Variants in LARP1B observed in about 807,000 individuals in gnomAD.
The protein encoded by LARP1B is La ribonucleoprotein 1B.
A neutral mutation model predicts 114.2 loss-of-function variants in LARP1B; 76 were observed. The ratio of observed to expected loss-of-function variants is 0.67; its 90% confidence interval spans 0.55 to 0.81. The LOEUF (loss-of-function observed/expected upper bound fraction) is 0.81. Ranked by LOEUF, LARP1B falls within the 30% of genes least tolerant of loss-of-function variation. The probability of loss-of-function intolerance (pLI) is 0.00; values close to 1 mark genes in which losing one functional copy is unlikely to be tolerated. For synonymous variants in LARP1B, 345 were observed against 348.0 expected (o/e 0.99, Z 0.10); for missense variants, 1,014 against 1,075.8 (o/e 0.94, Z 0.80).
In LARP1B at chr4:128,107,999, A is replaced by G. The variant is rs922188796; in HGVS notation, c.988+686A>G. 8.5e-6 allele frequency: 13 copies of G among 1,528,272 alleles called. No individual in the cohort carries two copies. The African/African-American group carries it at 1.4e-4, about 16-fold the overall frequency. 94.7% of individuals were successfully genotyped at this position (1,528,272 alleles called of 1,614,324 possible). A position where few individuals can be genotyped will look rare whatever the true frequency, so the allele number is the denominator to read the frequency against. On this transcript the variant is annotated intron_variant, in intron 9 of 19. Transcript: ENST00000326639. Reference sequence around the variant, plus strand: ...GGAACAAATCCTGCTGCAAAAATGAAAGCGATCAGACTGTCTTCTGTTCAA... The same window carrying G: ...GGAACAAATCCTGCTGCAAAAATGAGAGCGATCAGACTGTCTTCTGTTCAA...
exon 8 of LARP1B, chr4:128,222,484 C>T: frequency 5.0e-6 from 2 of 400,972 alleles, no homozygotes; most frequent in South Asian, 3.6e-5. Flanking sequence ...AATGCCACTT[C>T]CAAGTTTGAC....
intron 1 of LARP1B, among the ~76,000 whole-genome samples, chr4:128,071,372 A>G (rs975888216): frequency 2.0e-5 from 3 of 148,754 alleles, no homozygotes; most frequent in South Asian, 2.1e-4. Flanking sequence ...AAGTAACTGT[A>G]TAAACTGATA....
chr4:128,114,504 G>T, intron 9 of LARP1B, 66 bp from the exon 10 acceptor site: 9 of 1,178,638 alleles, frequency 7.6e-6, no homozygotes, highest in Non-Finnish European at 1.1e-5. Flanking sequence ...AGGAAAAAAT[G>T]AAGTGTATTT....
chr4:128,214,519 G>A (rs1369199216), downstream of LARP1B, among the ~76,000 whole-genome samples: 2 of 152,114 alleles, frequency 1.3e-5, no homozygotes, highest in Non-Finnish European at 1.5e-5. Context: ...AGCCTAACTG[G>A]GAGGCAGGGG....
At chr4:128,109,536 A>G (rs1455226358) in intron 9 of LARP1B, among the ~76,000 whole-genome samples, 2 of 152,158 alleles carry the variant, frequency 1.3e-5, no homozygotes, top group African/African-American at 4.8e-5. Flanking sequence ...TACTTCTGAA[A>G]CATAGGTTTT....
intron 5 of LARP1B, among the ~76,000 whole-genome samples, chr4:128,086,472 G>C (rs1258172945): frequency 6.6e-6 from 1 of 152,092 alleles, no homozygotes; most frequent in South Asian, 2.1e-4. Context: ...GGGACTACAG[G>C]CATGCACAAC....
intron 11 of LARP1B, among the ~76,000 whole-genome samples, chr4:128,156,408 CCT>C (rs1471086711): frequency 6.6e-6 from 1 of 152,154 alleles, no homozygotes. Context: ...CTAGAGCTGG[CCT>C]CTCTAGCACA....
At chr4:128,110,673 T>A (rs1783772580) in intron 9 of LARP1B, among the ~76,000 whole-genome samples, 1 of 470 alleles carries the variant, frequency 2.1e-3, no homozygotes, top group African/African-American at 0.026. Context: ...CGAGACTCCG[T>A]CTCAAAAAAA....
intron 15 of LARP1B, 48 bp from the exon 16 acceptor site, chr4:128,199,391 G>A: frequency 1.4e-6 from 2 of 1,427,236 alleles, no homozygotes; most frequent in Non-Finnish European, 1.9e-6. Flanking sequence ...TCATATACTT[G>A]GTTCTTGATT....
At chr4:128,093,922 G>C (rs1222988196) in intron 7 of LARP1B, among the ~76,000 whole-genome samples, 1 of 151,756 alleles carries the variant, frequency 6.6e-6, no homozygotes. Flanking sequence ...TGTTGGTCAG[G>C]CTGGTCTCAA....
chr4:128,169,361 A>G (rs1742535908), intron 12 of LARP1B, among the ~76,000 whole-genome samples: 1 of 151,912 alleles, frequency 6.6e-6, no homozygotes, highest in Non-Finnish European at 1.5e-5. Context: ...TTAATACTAC[A>G]AATTTCCACC....
chr4:128,068,468 G>T (rs1763928644), intron 1 of LARP1B, among the ~76,000 whole-genome samples: 1 of 151,950 alleles, frequency 6.6e-6, no homozygotes. Flanking sequence ...CTACAGGCAT[G>T]TGCCACCATG....
chr4:128,152,184 A>C (rs1733101466), intron 11 of LARP1B, among the ~76,000 whole-genome samples: 1 of 148,744 alleles, frequency 6.7e-6, no homozygotes, highest in Non-Finnish European at 1.5e-5. Flanking sequence ...TGAATCAGCT[A>C]TTATGCTTAT....
At chr4:128,176,573 C>T (rs1035387694) in intron 12 of LARP1B, among the ~76,000 whole-genome samples, 5 of 151,998 alleles carry the variant, frequency 3.3e-5, no homozygotes, top group Admixed American at 1.3e-4. Flanking sequence ...GGATTACAGG[C>T]GTGAGCCACT....
At chr4:128,079,373 G>T (rs555227548) in intron 4 of LARP1B, among the ~76,000 whole-genome samples, 4 of 152,034 alleles carry the variant, frequency 2.6e-5, no homozygotes, top group African/African-American at 9.6e-5. Flanking sequence ...AGGATTACAG[G>T]CATGAGCCAC....
chr4:128,082,088 A>G, intron 4 of LARP1B, 77 bp from the exon 5 acceptor site: 1 of 1,309,548 alleles, frequency 7.6e-7, no homozygotes, highest in Non-Finnish European at 1.1e-6. Context: ...ATTTGATTAA[A>G]GTTCAGAGTG....
chr4:128,124,673 G>A (rs542818146), intron 11 of LARP1B, among the ~76,000 whole-genome samples: 1 of 152,322 alleles, frequency 6.6e-6, no homozygotes, highest in Admixed American at 6.5e-5. Context: ...AGGGACAAGA[G>A]TGGGCAGAAG....
intron 11 of LARP1B, among the ~76,000 whole-genome samples, chr4:128,135,128 A>AATAC (rs1220476105): frequency 4.0e-5 from 6 of 150,764 alleles, no homozygotes; most frequent in African/African-American, 1.5e-4. Flanking sequence ...TAAATAAATA[A>AATAC]ATAAATAAAT....
intron 5 of LARP1B, among the ~76,000 whole-genome samples, chr4:128,090,183 C>T (rs1225215333): frequency 6.6e-6 from 1 of 151,986 alleles, no homozygotes; most frequent in African/African-American, 2.4e-5. Context: ...AGTGATTCTC[C>T]TCCTTCAGCC....
Sources: allele counts gnomAD v4.1 joint callset (sites outside exome capture counted in the v4.1 genomes callset), GRCh38; gene constraint gnomAD v4.1.1; transcripts MANE v1.5; gene names NCBI Gene and HGNC (gene_info 2026-07-23, HGNC 2026-07-21).